The following WWP2 variants were observed in gnomAD, a reference collection of about 807,000 sequenced individuals.
The protein encoded by WWP2 is WW domain containing E3 ubiquitin protein ligase 2.
In WWP2, 57 loss-of-function variants were observed where a neutral mutation model predicts 121.0. That is an observed-to-expected ratio of 0.47 (90% CI 0.38 to 0.59). WWP2 has a LOEUF of 0.59. Among genes scored for constraint, WWP2 ranks in the 20% least tolerant of loss-of-function variants. The pLI is 0.00. For missense variants in WWP2, 962 were observed against 1,158.9 expected (o/e 0.83, Z 2.47); for synonymous variants, 449 against 441.3 (o/e 1.02, Z -0.22).
At chr16:69,786,846 C>T (rs1199882025) in intron 1 of WWP2, 150 bp from the exon 2 acceptor site, 2 of 621,710 alleles carry the variant, frequency 3.2e-6, no homozygotes, top group Admixed American at 3.1e-5. Flanking sequence ...TTCATTAAGT[C>T]ATTATAAGAC....
At chr16:69,897,993 T>A (rs1461844825) in intron 8 of WWP2, among the ~76,000 whole-genome samples, 1 of 151,804 alleles carries the variant, frequency 6.6e-6, no homozygotes, top group Middle Eastern at 3.4e-3. Context: ...TGCCTTTTTG[T>A]GTATGTGGTT....
Position 69,917,553 on chromosome 16 carries a change from G to A in WWP2, c.1005-156G>A. 5.2e-6 allele frequency: 4 copies of A among 764,352 alleles called. No individual in the cohort carries two copies. In the East Asian group the frequency reaches 8.3e-5, roughly 16 times the overall value. 47.3% of individuals were successfully genotyped at this position (764,352 alleles called of 1,614,324 possible). On this transcript the variant is annotated intron_variant, in intron 9 of 23. Coordinates refer to ENST00000359154, the MANE Select transcript of WWP2 (RefSeq NM_001270454.2). ...TAATGGCAAGGAGGGATTGGGTGCT[G>A]CAGAGGCAACCACAGATGTCTGCTA...
In WWP2 at chr16:69,939,348, C is replaced by T. The variant is rs769913051; in HGVS notation, c.2448C>T (p.Asn816=). The change falls in exon 23 of 24, where the codon AAC becomes AAT. Residue 816 remains asparagine, a synonymous_variant. Coordinates refer to ENST00000359154, the MANE Select transcript of WWP2 (RefSeq NM_001270454.2). ...VGGFAELIGS[N]GPQKFCIDKV... The stretch of plus-strand genomic sequence containing the variant: ...TTTTACCTTGGATCACAGGTAGCAA[C>T]GGACCACAGAAGTTTTGCATTGACA... 9.9e-6 allele frequency: 16 copies of T among 1,614,148 alleles called. 1 individual carries two copies. In the South Asian group the frequency reaches 1.2e-4, roughly 12 times the overall value.
intron 16 of WWP2, 110 bp downstream of exon 16, chr16:69,932,000 A>G (rs764720071): frequency 1.0e-5 from 11 of 1,083,928 alleles, no homozygotes; most frequent in Non-Finnish European, 1.5e-5. Flanking sequence ...CAAAGCTCTC[A>G]TGCATCTTCA....
chr16:69,903,248 A>G (rs2058232950), intron 8 of WWP2, among the ~76,000 whole-genome samples: 1 of 152,196 alleles, frequency 6.6e-6, no homozygotes, highest in South Asian at 2.1e-4. Flanking sequence ...TGTTGAATAT[A>G]AGGGAAGAGG....
rs538157284 is a variant in WWP2 at position 69,773,699 on chromosome 16, C to A, written c.-16+11308C>A. Among the ~76,000 whole-genome samples the A allele has an allele frequency of 7.2e-5, 11 of 152,106 alleles. No individual in the cohort carries two copies. In the South Asian group the frequency reaches 2.3e-3, roughly 32 times the overall value. On this transcript the variant is annotated intron_variant, in intron 1 of 23. Transcript: ENST00000359154. ...GTTTCTCTATGTTGCCTAGACTGGTCTCGAATTCCTGGGCTCAAGCAGTCT... is the reference window on the plus strand; with the variant it reads ...GTTTCTCTATGTTGCCTAGACTGGTATCGAATTCCTGGGCTCAAGCAGTCT...
At chr16:69,931,971 C>T in intron 16 of WWP2, 81 bp downstream of exon 16, 3 of 1,321,306 alleles carry the variant, frequency 2.3e-6, no homozygotes, top group Non-Finnish European at 3.2e-6. Flanking sequence ...GCTGCCTGCC[C>T]CCTGCTCACA....
chr16:69,920,000 G>T (rs1215418461), intron 10 of WWP2, among the ~76,000 whole-genome samples: 1 of 151,770 alleles, frequency 6.6e-6, no homozygotes, highest in East Asian at 1.9e-4. Flanking sequence ...TTGCCATGTT[G>T]CCCAGGCTGG....
intron 11 of WWP2, among the ~76,000 whole-genome samples, chr16:69,927,833 T>C (rs2058660679): frequency 6.6e-6 from 1 of 152,242 alleles, no homozygotes; most frequent in South Asian, 2.1e-4. Flanking sequence ...ATTTATTTTT[T>C]ATTTACAAAA....
intron 4 of WWP2, among the ~76,000 whole-genome samples, chr16:69,813,249 G>A (rs1398510638): frequency 6.7e-6 from 1 of 149,666 alleles, no homozygotes; most frequent in Non-Finnish European, 1.5e-5. Flanking sequence ...CGCAACCTCC[G>A]CCTCCTGGGT....
chr16:69,860,840 TAA>T (rs11464525), intron 6 of WWP2, among the ~76,000 whole-genome samples: 8 of 144,866 alleles, frequency 5.5e-5, no homozygotes, highest in African/African-American at 5.1e-5. Context: ...GATCTCTAGT[TAA>T]AAAAAAAAAA....
intron 4 of WWP2, among the ~76,000 whole-genome samples, chr16:69,822,413 A>G (rs1281822817): frequency 6.6e-6 from 1 of 152,192 alleles, no homozygotes; most frequent in East Asian, 1.9e-4. Context: ...TAGACTCTAG[A>G]GAGGAAAACA....
In WWP2 at chr16:69,925,345, G is replaced by A. The variant is rs911418409; in HGVS notation, c.1180-85G>A. 2.0e-5 allele frequency: 31 copies of A among 1,576,804 alleles called. No individual in the cohort carries two copies. In the South Asian group the frequency reaches 3.1e-4, roughly 16 times the overall value. On this transcript the variant is annotated intron_variant, in intron 10 of 23. Coordinates refer to ENST00000359154, the MANE Select transcript of WWP2 (RefSeq NM_001270454.2). The surrounding 1 kb of genome is among the most constrained non-coding windows in gnomAD (Gnocchi z 4.0). ...GCTCAAATGTGGAAGCCAGTCATTGGCATTTTTATTTTTTATTGATTGATT... is the reference window on the plus strand; with the variant it reads ...GCTCAAATGTGGAAGCCAGTCATTGACATTTTTATTTTTTATTGATTGATT...
intron 7 of WWP2, among the ~76,000 whole-genome samples, chr16:69,877,536 A>C (rs1176124412): frequency 6.6e-6 from 1 of 152,112 alleles, no homozygotes; most frequent in Non-Finnish European, 1.5e-5. Flanking sequence ...TAGCACTTTT[A>C]ATTTCCTTCA....
At chr16:69,844,512 A>G (rs1243944662) in intron 6 of WWP2, among the ~76,000 whole-genome samples, 1 of 146,166 alleles carries the variant, frequency 6.8e-6, no homozygotes, top group Non-Finnish European at 1.5e-5. Flanking sequence ...AGCTATTAAC[A>G]AGTTTGGATC....
rs2058603087 is a variant in WWP2 at position 69,924,048 on chromosome 16, C to G, written c.1180-1382C>G. ...GGGGCCCTAAATCAAGGTGAGCTTC[C>G]CCCACCTCCGTGCACTTGCATTCTG... On this transcript the variant is annotated intron_variant, in intron 10 of 23. Transcript: ENST00000359154. 1.3e-5 allele frequency among the ~76,000 whole-genome samples: 2 copies of G among 152,200 alleles called. 1 individual carries two copies. The highest frequency in any genetic ancestry group is 4.1e-4 in the South Asian group (2 of 4,836).
intron 6 of WWP2, among the ~76,000 whole-genome samples, chr16:69,864,165 C>G (rs562028782): frequency 6.6e-6 from 1 of 151,980 alleles, no homozygotes; most frequent in Non-Finnish European, 1.5e-5. Flanking sequence ...CTCAGGAGTT[C>G]GATATCAGCC....
chr16:69,927,859 G>T (rs747380914), intron 11 of WWP2, among the ~76,000 whole-genome samples: 1 of 151,980 alleles, frequency 6.6e-6, no homozygotes, highest in Non-Finnish European at 1.5e-5. Context: ...ATGAAGTCTC[G>T]CTGTGTTGCC....
At chr16:69,890,404 A>C (rs1194828249) in intron 8 of WWP2, among the ~76,000 whole-genome samples, 1 of 152,064 alleles carries the variant, frequency 6.6e-6, no homozygotes, top group Non-Finnish European at 1.5e-5. Flanking sequence ...ATTTTAGTGA[A>C]GGTTAAAGTG....
Sources: allele counts gnomAD v4.1 joint callset (sites outside exome capture counted in the v4.1 genomes callset), GRCh38; gene constraint gnomAD v4.1.1; non-coding constraint Gnocchi (gnomAD v3.1); transcripts MANE v1.5; gene names NCBI Gene and HGNC (gene_info 2026-07-23, HGNC 2026-07-21).